The following UGT1A10 variants were observed in gnomAD, a reference collection of about 807,000 sequenced individuals.
UGT1A10 encodes the protein UDP glucuronosyltransferase family 1 member A10, also known as UDP-glucuronosyltransferase 1A10.
UGT1A10 carries 49 observed loss-of-function variants against 45.8 expected under a neutral mutation model. That is an observed-to-expected ratio of 1.07 (90% CI 0.85 to 1.36). UGT1A10 has a LOEUF of 1.36. UGT1A10 is among the 40% of genes most tolerant of loss of function. UGT1A10 has a pLI of 0.00. For synonymous variants in UGT1A10, 284 were observed against 249.7 expected (o/e 1.14, Z -1.29); for missense variants, 745 against 668.6 (o/e 1.11, Z -1.26).
intron 1 of UGT1A10, chr2:233,718,926 A>G (rs1264796990): frequency 1.2e-6 from 2 of 1,614,126 alleles, no homozygotes; most frequent in Non-Finnish European, 1.7e-6. Context: ...GGTGGTGCCC[A>G]CTGATGGCAG....
At position 233,681,970 on chromosome 2, in the gene UGT1A10, C is replaced by A. The variant is rs7577677; in HGVS notation, c.855+44593C>A. ...GTGCAGGGTGGACTGGCCTCCTTCC[C>A]CTATATGTGTGTCTACTGCTGACCT... On this transcript the variant is annotated intron_variant, in intron 1 of 4. Coordinates refer to ENST00000344644, the MANE Select transcript of UGT1A10 (RefSeq NM_019075.4). 603,341 of 1,613,798 alleles carry A rather than the reference C, an allele frequency of 0.37. 115,635 individuals carry two copies. The highest frequency in any genetic ancestry group is 0.41 in the South Asian group (37,458 of 91,050).
intron 1 of UGT1A10, among the ~76,000 whole-genome samples, chr2:233,757,535 AATATATAT>A (rs67292694): frequency 0.018 from 1,589 of 88,318 alleles, 155 homozygotes; most frequent in African/African-American, 0.076. Flanking sequence ...GCCTGTAAGG[AATATATAT>A]ATATATATAT....
chr2:233,673,807 ACTTAT>A (rs767880622), intron 1 of UGT1A10, among the ~76,000 whole-genome samples: 41 of 152,120 alleles, frequency 2.7e-4, no homozygotes, highest in Non-Finnish European at 4.7e-4. Context: ...CACATTACTA[ACTTAT>A]CTTATTATTT....
At position 233,743,680 on chromosome 2, in the gene UGT1A10, G is replaced by C. The variant is rs555741522; in HGVS notation, c.856-23354G>C. 7 of 1,367,102 alleles carry C rather than the reference G, an allele frequency of 5.1e-6. No homozygotes were observed. The South Asian group carries it at 6.8e-5, about 13-fold the overall frequency. 84.7% of individuals were successfully genotyped at this position (1,367,102 alleles called of 1,614,324 possible). On this transcript the variant is annotated intron_variant, in intron 1 of 4. Coordinates refer to ENST00000344644, the MANE Select transcript of UGT1A10 (RefSeq NM_019075.4). The stretch of plus-strand genomic sequence containing the variant: ...CGAAGGGGTCCTCGAAGGGCCTGCC[G>C]CCTGTGCAGCCGCCCTCCGCCCCCG...
rs556291305 is a variant in UGT1A10, at chr2:233,766,974, G to A, written c.856-60G>A. 4.3e-6 allele frequency: 7 copies of A among 1,611,912 alleles called. No homozygotes were observed. In the East Asian group the frequency reaches 1.6e-4, roughly 36 times the overall value. On this transcript the variant is annotated intron_variant, in intron 1 of 4. Transcript: ENST00000344644. ...GAAGATATCTAATTCATAACTTACT[G>A]TATGTAGTCATCAAAGAATATGAGA... is the stretch of plus-strand genomic sequence containing the variant.
intron 1 of UGT1A10, among the ~76,000 whole-genome samples, chr2:233,678,371 A>G (rs1166606796): frequency 6.6e-6 from 1 of 152,122 alleles, no homozygotes; most frequent in African/African-American, 2.4e-5. Flanking sequence ...ATCATCTTCC[A>G]TTGAGTGGGC....
At chr2:233,675,114 C>T (rs1018592864) in intron 1 of UGT1A10, among the ~76,000 whole-genome samples, 1 of 151,716 alleles carries the variant, frequency 6.6e-6, no homozygotes, top group Non-Finnish European at 1.5e-5. Context: ...TGAAGGTCTC[C>T]TGTAACAAAA....
Position 233,769,854 on chromosome 2 carries a change from T to C in UGT1A10, c.1295+1415T>C. 2.3e-6 allele frequency: 1 copy of C among 426,358 alleles called. No homozygotes were observed. The highest frequency in any genetic ancestry group is 3.7e-6 in the Non-Finnish European group (1 of 266,722). 26.4% of individuals were successfully genotyped at this position (426,358 alleles called of 1,614,324 possible). On this transcript the variant is annotated intron_variant, in intron 4 of 4. Transcript: ENST00000344644. The surrounding 1 kb of genome is among the most constrained non-coding windows in gnomAD (Gnocchi z 4.4). ...ACCTGGGCAACAGAGTGAGACCCTGTCTCAAAAAAAAAAAAAAAAATGAAA... is the reference window on the plus strand; with the variant it reads ...ACCTGGGCAACAGAGTGAGACCCTGCCTCAAAAAAAAAAAAAAAAATGAAA...
chr2:233,744,000 G>T, intron 1 of UGT1A10: 1 of 1,221,194 alleles, frequency 8.2e-7, no homozygotes, highest in South Asian at 1.4e-5. Flanking sequence ...CGAGTGCTCG[G>T]AGACCTGGGC....
At chr2:233,745,418 GATAA>G (rs1158575048) in intron 1 of UGT1A10, among the ~76,000 whole-genome samples, 1 of 151,578 alleles carries the variant, frequency 6.6e-6, no homozygotes, top group Non-Finnish European at 1.5e-5. Context: ...TCTTTTCTTT[GATAA>G]ATTGTGAGGC....
chr2:233,727,325 G>A (rs180717488), intron 1 of UGT1A10, among the ~76,000 whole-genome samples: 2 of 152,224 alleles, frequency 1.3e-5, no homozygotes, highest in Non-Finnish European at 1.5e-5. Flanking sequence ...CAGGCACCAG[G>A]AGCTCCTCCC....
At position 233,669,255 on chromosome 2, in the gene UGT1A10, AT is replaced by A. The variant is rs35555682; in HGVS notation, c.855+31887del. On this transcript the variant is annotated intron_variant, in intron 1 of 4. Transcript: ENST00000344644. ...TGAAATTAGGTAATAATTGCTCTCC[AT>A]TTTTTTTTCTATTTTTTAAAAGTTA... Among the ~76,000 whole-genome samples the A allele has an allele frequency of 6.3e-4, 95 of 150,960 alleles. 1 individual carries two copies. The highest frequency in any genetic ancestry group is 1.8e-3 in the African/African-American group (76 of 41,142).
At chr2:233,652,475 A>G (rs2073764381) in intron 1 of UGT1A10, among the ~76,000 whole-genome samples, 3 of 152,200 alleles carry the variant, frequency 2.0e-5, no homozygotes. Flanking sequence ...CAAATACTTC[A>G]CTAAATGTAA....
intron 1 of UGT1A10, among the ~76,000 whole-genome samples, chr2:233,674,231 TG>T (rs2074277681): frequency 6.6e-6 from 1 of 152,292 alleles, no homozygotes; most frequent in South Asian, 2.1e-4. Context: ...CATGGGAAAG[TG>T]AAATAATGCT....
At chr2:233,765,965 G>A (rs926314619) in intron 1 of UGT1A10, among the ~76,000 whole-genome samples, 1 of 152,142 alleles carries the variant, frequency 6.6e-6, no homozygotes, top group Admixed American at 6.5e-5. Flanking sequence ...AGTGTCTAGA[G>A]GTGGATGTTT....
intron 1 of UGT1A10, among the ~76,000 whole-genome samples, chr2:233,699,450 A>G (rs1488653685): frequency 6.6e-6 from 1 of 152,212 alleles, no homozygotes; most frequent in African/African-American, 2.4e-5. Context: ...TGTTTTCCTT[A>G]GAACAAAGGA....
At chr2:233,660,553 A>G (rs1466643346) in intron 1 of UGT1A10, among the ~76,000 whole-genome samples, 1 of 152,220 alleles carries the variant, frequency 6.6e-6, no homozygotes, top group African/African-American at 2.4e-5. Flanking sequence ...CTTGTTCTAC[A>G]ACAAAAAGAC....
At chr2:233,649,150 A>C in intron 1 of UGT1A10, 1 of 579,510 alleles carries the variant, frequency 1.7e-6, no homozygotes, top group Non-Finnish European at 2.5e-6. Flanking sequence ...CTGTGTAAAA[A>C]ATTATTTTGT....
intron 1 of UGT1A10, among the ~76,000 whole-genome samples, chr2:233,640,611 T>A (rs2073425723): frequency 6.6e-6 from 1 of 152,108 alleles, no homozygotes; most frequent in Non-Finnish European, 1.5e-5. Context: ...TTTATGAGGG[T>A]GTCAAGACCA....
Sources: allele counts gnomAD v4.1 joint callset (sites outside exome capture counted in the v4.1 genomes callset), GRCh38; gene constraint gnomAD v4.1.1; non-coding constraint Gnocchi (gnomAD v3.1); transcripts MANE v1.5; gene names NCBI Gene and HGNC (gene_info 2026-07-23, HGNC 2026-07-21).